NMT1: variants seen among roughly 807,000 people sequenced by gnomAD.
NMT1 encodes the protein glycylpeptide N-tetradecanoyltransferase 1.
NMT1 carries 12 observed loss-of-function variants against 63.4 expected under a neutral mutation model. The observed-to-expected ratio is 0.19, with a 90% confidence interval of 0.12 to 0.31. NMT1 has a LOEUF of 0.31. Among genes scored for constraint, NMT1 ranks in the 10% least tolerant of loss-of-function variants. The pLI is 1.00. For missense variants in NMT1, 432 were observed against 634.6 expected (o/e 0.68, Z 3.43); for synonymous variants, 228 against 234.3 (o/e 0.97, Z 0.25).
chr17:45,096,341 C>T (rs529617520), intron 5 of NMT1, 56 bp downstream of exon 5: 1 of 1,347,836 alleles, frequency 7.4e-7, no homozygotes, highest in African/African-American at 1.4e-5. Flanking sequence ...AGCAGATCCA[C>T]CAGAGGGCAC....
rs565684214 is a variant in NMT1 at position 45,104,702 on chromosome 17, C to T, written c.1333-157C>T. On this transcript the variant is annotated intron_variant, in intron 10 of 11. Coordinates refer to ENST00000258960, the MANE Select transcript of NMT1 (RefSeq NM_021079.5). The surrounding 1 kb of genome is among the most constrained non-coding windows in gnomAD (Gnocchi z 4.2). ...CGCTCAGAGTGTCCTGAGAACCACC[C>T]GGAGAGCGGGGATTAACGTGGAAGC... The T allele has an allele frequency of 7.6e-6, 11 of 1,455,048 alleles. No homozygotes were observed. The highest frequency in any genetic ancestry group is 2.6e-5 in the Admixed American group (1 of 39,202). The allele number at this position is 1,455,048 out of a possible 1,614,324, so 90.1% of individuals were successfully genotyped here.
At chr17:45,091,783 T>G (rs2054090475) in intron 3 of NMT1, among the ~76,000 whole-genome samples, 1 of 152,180 alleles carries the variant, frequency 6.6e-6, no homozygotes, top group Non-Finnish European at 1.5e-5. Flanking sequence ...CCCAGCATTT[T>G]GGGAGGCCAA....
intron 1 of NMT1, among the ~76,000 whole-genome samples, chr17:45,077,112 A>G (rs1018591232): frequency 2.0e-5 from 3 of 152,118 alleles, no homozygotes; most frequent in African/African-American, 7.2e-5. Context: ...AGAAGTAATT[A>G]TTTTCCCCAT....
At chr17:45,066,583 A>G (rs1338724242) in intron 1 of NMT1, among the ~76,000 whole-genome samples, 2 of 151,920 alleles carry the variant, frequency 1.3e-5, no homozygotes, top group East Asian at 2.0e-4. Context: ...GTGAGACCCC[A>G]TCTCTATAAA....
intron 3 of NMT1, among the ~76,000 whole-genome samples, chr17:45,088,804 T>C (rs2054070207): frequency 6.6e-6 from 1 of 151,882 alleles, no homozygotes; most frequent in South Asian, 2.1e-4. Flanking sequence ...ATTAATTTGC[T>C]TCTGTTCCTC....
At chr17:45,094,652 T>C (rs1419756780) in intron 4 of NMT1, among the ~76,000 whole-genome samples, 1 of 150,618 alleles carries the variant, frequency 6.6e-6, no homozygotes, top group Non-Finnish European at 1.5e-5. Flanking sequence ...GTAGCTGGGA[T>C]TACAGGTGAG....
intron 8 of NMT1, among the ~76,000 whole-genome samples, chr17:45,101,845 C>T (rs556968327): frequency 5.9e-5 from 9 of 152,220 alleles, no homozygotes; most frequent in Admixed American, 2.6e-4. Context: ...GCTGCAGTAC[C>T]GTTAGACACT....
chr17:45,086,729 G>A, intron 3 of NMT1, 77 bp downstream of exon 3: 3 of 1,464,968 alleles, frequency 2.0e-6, no homozygotes, highest in Non-Finnish European at 2.7e-6. Flanking sequence ...AGGGTTTCAT[G>A]CTGAATTACT....
rs1174239154 is a variant in NMT1 at position 45,105,961 on chromosome 17, A to G, written c.*322A>G. 1 of 152,228 alleles carries G rather than the reference A, an allele frequency of 6.6e-6. No homozygotes were observed. The highest frequency in any genetic ancestry group is 2.4e-5 in the African/African-American group (1 of 40,922). 9.4% of individuals were successfully genotyped at this position (152,228 alleles called of 1,614,324 possible). ...GAGTTAACGGGTGAATAATAAAAGT[A>G]TATATATATATTATATATATATAAA... On this transcript the variant is annotated 3_prime_UTR_variant, in exon 12 of 12. Transcript: ENST00000258960. This position sits in a 1 kb window ranked among gnomAD's most constrained non-coding sequence, Gnocchi z 4.2.
At position 45,061,434 on chromosome 17, in the gene NMT1, TGAG is replaced by T; in HGVS notation, c.111_113del (p.Glu37del). ...ATGAGCACTGCAGCGATTGCGAGAA[TGAG>T]GAGGACAACAGCTACAACCGGGGGT... On this transcript the variant is annotated inframe_deletion, in exon 1 of 12. Transcript: ENST00000258960. 1 of 1,613,662 alleles carries T rather than the reference TGAG, an allele frequency of 6.2e-7. No homozygotes were observed. Among genetic ancestry groups the T allele is most frequent in the South Asian group, 1.1e-5 (1 of 91,014 alleles).
chr17:45,102,685 G>C (rs895204450), intron 8 of NMT1, among the ~76,000 whole-genome samples: 1 of 152,226 alleles, frequency 6.6e-6, no homozygotes, highest in South Asian at 2.1e-4. Context: ...CAAGGGTGGA[G>C]CATGAAGGGT....
chr17:45,076,485 C>T (rs989124571), intron 1 of NMT1, among the ~76,000 whole-genome samples: 1 of 151,164 alleles, frequency 6.6e-6, no homozygotes, highest in African/African-American at 2.4e-5. Flanking sequence ...CACGGTGGCT[C>T]ATGCCTGTAA....
chr17:45,088,758 A>T (rs957856381), intron 3 of NMT1, among the ~76,000 whole-genome samples: 1 of 149,172 alleles, frequency 6.7e-6, no homozygotes, highest in African/African-American at 2.5e-5. Context: ...CATCTCAAAA[A>T]TGAATTTAAA....
chr17:45,092,749 G>A (rs2054097351), intron 3 of NMT1, among the ~76,000 whole-genome samples: 1 of 151,860 alleles, frequency 6.6e-6, no homozygotes. Flanking sequence ...AAAATATTTG[G>A]GATCAGGAGT....
At chr17:45,074,815 A>G (rs1302107290) in intron 1 of NMT1, among the ~76,000 whole-genome samples, 1 of 152,210 alleles carries the variant, frequency 6.6e-6, no homozygotes, top group Admixed American at 6.6e-5. Flanking sequence ...AGTTTGAAAT[A>G]AGGTGACTGG....
chr17:45,071,258 A>C (rs186701502), intron 1 of NMT1, among the ~76,000 whole-genome samples: 238 of 152,308 alleles, frequency 1.6e-3, no homozygotes, highest in African/African-American at 5.2e-3. Flanking sequence ...TATTTGAGAC[A>C]AGGTTTCACT....
chr17:45,069,878 T>C (rs1390525644), intron 1 of NMT1, among the ~76,000 whole-genome samples: 3 of 136,638 alleles, frequency 2.2e-5, no homozygotes, highest in Admixed American at 7.6e-5. Context: ...AGACTCCATC[T>C]CAAAAAAAAA....
chr17:45,073,068 ATTG>A (rs1022533489), intron 1 of NMT1, among the ~76,000 whole-genome samples: 2 of 152,034 alleles, frequency 1.3e-5, no homozygotes, highest in African/African-American at 4.8e-5. Flanking sequence ...CAAGCATATA[ATTG>A]TTGAACTGTT....
chr17:45,087,288 C>G (rs986502221), intron 3 of NMT1, among the ~76,000 whole-genome samples: 1 of 152,148 alleles, frequency 6.6e-6, no homozygotes, highest in African/African-American at 2.4e-5. Context: ...TCTTGTTTGT[C>G]TGGGCACATG....
Sources: gnomAD v4.1 joint callset for allele counts (sites outside exome capture counted in the v4.1 genomes callset) on GRCh38, gnomAD v4.1.1 for gene constraint, Gnocchi (gnomAD v3.1) non-coding constraint, MANE v1.5 for transcripts, NCBI Gene and HGNC (gene_info 2026-07-23, HGNC 2026-07-21) for gene names.